Variants in OTUD7A observed in about 807,000 individuals in gnomAD.
OTUD7A encodes the protein OTU deubiquitinase 7A.
OTUD7A carries 12 observed loss-of-function variants against 65.7 expected under a neutral mutation model. The ratio of observed to expected loss-of-function variants is 0.18; its 90% CI spans 0.12 to 0.30. The LOEUF (loss-of-function observed/expected upper bound fraction) is 0.30, where lower values mean the gene tolerates loss of function less well. Among genes scored for constraint, OTUD7A ranks in the 10% least tolerant of loss-of-function variants. The pLI, the probability that OTUD7A is intolerant of heterozygous loss-of-function variation, is 1.00. For synonymous variants in OTUD7A, 641 were observed against 586.3 expected (o/e 1.09, Z -1.35); for missense variants, 1,148 against 1,304.8 (o/e 0.88, Z 1.85).
intron 10 of OTUD7A, among the ~76,000 whole-genome samples, chr15:31,491,719 C>G (rs1275306055): frequency 6.6e-6 from 1 of 152,112 alleles, no homozygotes; most frequent in African/African-American, 2.4e-5. Context: ...CTTAACACTT[C>G]TGAAACCCAA....
Position 31,511,058 on chromosome 15 carries a change from A to G in OTUD7A, c.894-7240T>C, listed in dbSNP as rs547416689. Among the ~76,000 whole-genome samples, 198 of 85,778 alleles carry G rather than the reference A, an allele frequency of 2.3e-3. 58 individuals are homozygous for G. Among genetic ancestry groups the G allele is most frequent in the Non-Finnish European group, 3.5e-3 (173 of 49,470 alleles). 56.3% of individuals were successfully genotyped at this position (85,778 alleles called of 152,430 possible). A position where few individuals can be genotyped will look rare whatever the true frequency, so the allele number is the denominator to read the frequency against. On this transcript the variant is annotated intron_variant, in intron 8 of 12. Transcript: ENST00000307050. ...GTAACATACATGTATATCTATATGT[A>G]ACATACATATATATGTATATCTATA...
intron 1 of OTUD7A, among the ~76,000 whole-genome samples, chr15:31,849,630 A>C (rs1180732782): frequency 6.6e-6 from 1 of 152,204 alleles, no homozygotes; most frequent in Non-Finnish European, 1.5e-5. Flanking sequence ...TACAGAGTGG[A>C]AGAAAATTTT....
At chr15:31,572,542 A>AT (rs1184431887) in intron 3 of OTUD7A, among the ~76,000 whole-genome samples, 9 of 152,118 alleles carry the variant, frequency 5.9e-5, no homozygotes, top group African/African-American at 1.7e-4. Context: ...AAATCATTTG[A>AT]TTTTTTTTCA....
chr15:31,524,254 G>A (rs920691018), intron 8 of OTUD7A, among the ~76,000 whole-genome samples: 2 of 152,124 alleles, frequency 1.3e-5, no homozygotes, highest in African/African-American at 4.8e-5. Flanking sequence ...GGCATCTGTG[G>A]GGACCAGGTG....
intron 1 of OTUD7A, chr15:31,768,276 G>A: frequency 1.4e-6 from 1 of 735,496 alleles, no homozygotes; most frequent in South Asian, 1.5e-5. Flanking sequence ...GCAGCGGCGA[G>A]TCTCGGCACA....
intron 3 of OTUD7A, among the ~76,000 whole-genome samples, chr15:31,623,093 G>T (rs1219027832): frequency 6.6e-6 from 1 of 152,248 alleles, no homozygotes; most frequent in African/African-American, 2.4e-5. Context: ...TTGCTGAACA[G>T]CGAATGTTGC....
chr15:31,771,571 C>A (rs766125150), intron 1 of OTUD7A, among the ~76,000 whole-genome samples: 1 of 152,188 alleles, frequency 6.6e-6, no homozygotes, highest in Non-Finnish European at 1.5e-5. Flanking sequence ...CCACTCTTCT[C>A]CAGGCTACTA....
chr15:31,623,095 G>A (rs538787128), intron 3 of OTUD7A, among the ~76,000 whole-genome samples: 9 of 152,358 alleles, frequency 5.9e-5, no homozygotes, highest in Middle Eastern at 3.4e-3. Context: ...GCTGAACAGC[G>A]AATGTTGCTG....
At chr15:31,495,510 C>G (rs2041370518) in intron 10 of OTUD7A, among the ~76,000 whole-genome samples, 1 of 152,172 alleles carries the variant, frequency 6.6e-6, no homozygotes, top group Non-Finnish European at 1.5e-5. Flanking sequence ...CCAACCCCAG[C>G]TCCTCGGCCT....
intron 10 of OTUD7A, among the ~76,000 whole-genome samples, chr15:31,495,419 G>T (rs987819837): frequency 3.9e-5 from 6 of 152,200 alleles, no homozygotes; most frequent in Non-Finnish European, 8.8e-5. Flanking sequence ...CCACCTCATG[G>T]TGCTTTGTGA....
chr15:31,797,283 C>A (rs971611922), intron 1 of OTUD7A, among the ~76,000 whole-genome samples: 1 of 152,118 alleles, frequency 6.6e-6, no homozygotes, highest in African/African-American at 2.4e-5. Flanking sequence ...GCTGAGTGAT[C>A]TTTTTTTATG....
intron 1 of OTUD7A, among the ~76,000 whole-genome samples, chr15:31,690,687 A>T (rs996191644): frequency 6.6e-6 from 1 of 152,248 alleles, no homozygotes; most frequent in African/African-American, 2.4e-5. Context: ...TGGAAAGAAC[A>T]ATCTTTCCAA....
intron 1 of OTUD7A, among the ~76,000 whole-genome samples, chr15:31,671,492 T>C (rs565816381): frequency 2.6e-5 from 4 of 152,300 alleles, no homozygotes; most frequent in African/African-American, 9.6e-5. Flanking sequence ...TGAAGTTGGG[T>C]AGTGACACAC....
chr15:31,629,303 G>C (rs1891066434), intron 3 of OTUD7A, among the ~76,000 whole-genome samples: 1 of 150,582 alleles, frequency 6.6e-6, no homozygotes, highest in South Asian at 2.1e-4. Context: ...TTAGCATCAA[G>C]GGTTGTTGAA....
intron 1 of OTUD7A, among the ~76,000 whole-genome samples, chr15:31,782,959 G>A (rs1394914849): frequency 6.6e-6 from 1 of 152,116 alleles, no homozygotes; most frequent in Admixed American, 6.5e-5. Context: ...CACAAAACTG[G>A]TATTTAAAGC....
intron 1 of OTUD7A, among the ~76,000 whole-genome samples, chr15:31,751,098 C>A (rs1894622494): frequency 6.6e-6 from 1 of 152,080 alleles, no homozygotes; most frequent in Non-Finnish European, 1.5e-5. Context: ...AACTACAGAG[C>A]TTCTGCACAG....
chr15:31,543,368 T>G (rs532773372), intron 5 of OTUD7A, among the ~76,000 whole-genome samples: 3 of 151,936 alleles, frequency 2.0e-5, no homozygotes, highest in Admixed American at 6.6e-5. Flanking sequence ...AAAGAAGATG[T>G]GTAAGGAGAG....
intron 1 of OTUD7A, among the ~76,000 whole-genome samples, chr15:31,844,816 C>G (rs1503017): frequency 0.6 from 91,664 of 152,198 alleles, 27,811 homozygotes; most frequent in East Asian, 0.69. Context: ...CAGGAGGCCA[C>G]GAGAGGCAAT....
chr15:31,860,528 A>G (rs945137245), intron 1 of OTUD7A, among the ~76,000 whole-genome samples: 129 of 151,120 alleles, frequency 8.5e-4, no homozygotes, highest in African/African-American at 3.0e-3. Flanking sequence ...TCAAGGGCTT[A>G]AGAGTCAAAG....
Sources: gnomAD v4.1 joint callset for allele counts (sites outside exome capture counted in the v4.1 genomes callset) on GRCh38, gnomAD v4.1.1 for gene constraint, MANE v1.5 for transcripts, NCBI Gene and HGNC (gene_info 2026-07-23, HGNC 2026-07-21) for gene names.